PIAS4: variants seen among roughly 807,000 people sequenced by gnomAD.
PIAS4 encodes protein inhibitor of activated STAT 4, also known as E3 SUMO-protein ligase PIAS4.
A neutral mutation model predicts 58.0 loss-of-function variants in PIAS4; 7 were observed. The observed-to-expected ratio is 0.12, with a 90% CI of 0.07 to 0.23. PIAS4 has a LOEUF of 0.23. PIAS4 is among the 10% of genes least tolerant of loss of function. The pLI is 1.00. For missense variants in PIAS4, 550 were observed against 709.5 expected (o/e 0.78, Z 2.55); for synonymous variants, 364 against 312.4 (o/e 1.17, Z -1.74).
Position 4,028,844 on chromosome 19 carries a change from G to A in PIAS4, c.797G>A (p.Gly266Asp), listed in dbSNP as rs2040194974. 6.2e-7 allele frequency: 1 copy of A among 1,613,380 alleles called. No homozygotes were observed. The highest frequency in any genetic ancestry group is 8.5e-7 in the Non-Finnish European group (1 of 1,179,922). Residue 266 changes from glycine to aspartate, a missense_variant, in exon 6 of 11, where the codon GGC (glycine) becomes GAC (aspartate). Transcript: ENST00000262971. Reference sequence around the variant, plus strand: ...ATCACTGTCACCTGGGGGAACTACGGCAAGGTGAGTGCGTGCCCGGGTGCC... The same window carrying A: ...ATCACTGTCACCTGGGGGAACTACGACAAGGTGAGTGCGTGCCCGGGTGCC... Reference protein sequence around the residue: ...NRITVTWGNYGKSYSVALYLV... With the variant: ...NRITVTWGNYDKSYSVALYLV...
In PIAS4 at chr19:4,037,226, T is replaced by C; in HGVS notation, c.1143-148T>C. 1 of 1,014,966 alleles carries C rather than the reference T, an allele frequency of 9.9e-7. No homozygotes were observed. 62.9% of individuals were successfully genotyped at this position (1,014,966 alleles called of 1,614,324 possible). On this transcript the variant is annotated intron_variant, in intron 9 of 10. Transcript: ENST00000262971. The surrounding 1 kb of genome is among the most constrained non-coding windows in gnomAD (Gnocchi z 5.8). Reference sequence around the variant, plus strand: ...TGAGGGCGGGGGAGGGAATGCGGGGTCCCTGGACCCCTGCGGTCGGGGTGG... The same window carrying C: ...TGAGGGCGGGGGAGGGAATGCGGGGCCCCTGGACCCCTGCGGTCGGGGTGG...
At chr19:4,018,400 C>T (rs912260218) in intron 2 of PIAS4, 2 of 152,242 alleles carry the variant, frequency 1.3e-5, no homozygotes, top group African/African-American at 4.8e-5. Context: ...TCGTGAGGCT[C>T]CCTGGCAGCC....
intron 3 of PIAS4, among the ~76,000 whole-genome samples, chr19:4,026,235 C>T (rs925315403): frequency 6.9e-6 from 1 of 144,530 alleles, no homozygotes; most frequent in Non-Finnish European, 1.5e-5. Context: ...CAGGTTCAAG[C>T]GATTCTCCTG....
At chr19:4,026,459 T>G (rs1256466866) in intron 3 of PIAS4, among the ~76,000 whole-genome samples, 1 of 151,610 alleles carries the variant, frequency 6.6e-6, no homozygotes, top group Admixed American at 6.6e-5. Context: ...TGTCGAGATA[T>G]GATTTGCATA....
rs565105370 is a variant in PIAS4, at chr19:4,037,072, C to T, written c.1143-302C>T. Among the ~76,000 whole-genome samples the T allele has an allele frequency of 1.3e-5, 2 of 151,836 alleles. No homozygotes were observed. The highest frequency in any genetic ancestry group is 6.7e-5 in the Admixed American group (1 of 14,988). ...GCCCAGAGGGGCAGGGTGGGGAGGACCCCTGCAGCTGCCACACTCCCTGCT... is the reference window on the plus strand; with the variant it reads ...GCCCAGAGGGGCAGGGTGGGGAGGATCCCTGCAGCTGCCACACTCCCTGCT... On this transcript the variant is annotated intron_variant, in intron 9 of 10. Coordinates refer to ENST00000262971, the MANE Select transcript of PIAS4 (RefSeq NM_015897.4). This position sits in a 1 kb window ranked among gnomAD's most constrained non-coding sequence, Gnocchi z 5.8.
intron 7 of PIAS4, among the ~76,000 whole-genome samples, chr19:4,030,345 C>T (rs147636196): frequency 0.029 from 4,086 of 142,876 alleles, 180 homozygotes; most frequent in African/African-American, 0.094. Flanking sequence ...GCCGGCAAGG[C>T]GCAGTGGCTC....
intron 2 of PIAS4, among the ~76,000 whole-genome samples, chr19:4,020,607 A>G (rs2040099879): frequency 6.6e-6 from 1 of 152,186 alleles, no homozygotes; most frequent in Admixed American, 6.5e-5. Context: ...CACGCTGCTC[A>G]GCGTTTTTGC....
At chr19:4,008,067 G>A (rs1208153450) in intron 1 of PIAS4, among the ~76,000 whole-genome samples, 1 of 151,660 alleles carries the variant, frequency 6.6e-6, no homozygotes, top group Admixed American at 6.6e-5. Context: ...TTAGGGTCCC[G>A]GTCCCTGAGC....
At chr19:4,035,762 ACACC>A (rs1241940699) in intron 9 of PIAS4, among the ~76,000 whole-genome samples, 4 of 104,442 alleles carry the variant, frequency 3.8e-5, no homozygotes, top group East Asian at 5.1e-4. Context: ...TCACACACAC[ACACC>A]CACACACATC....
intron 2 of PIAS4, among the ~76,000 whole-genome samples, chr19:4,014,202 T>C (rs1212255531): frequency 6.6e-6 from 1 of 152,136 alleles, no homozygotes; most frequent in Non-Finnish European, 1.5e-5. Context: ...GGCTCCACGC[T>C]TCTCTCTCTC....
At chr19:4,010,265 A>C (rs955074776) in intron 1 of PIAS4, among the ~76,000 whole-genome samples, 17 of 152,254 alleles carry the variant, frequency 1.1e-4, no homozygotes, top group Middle Eastern at 3.4e-3. Context: ...AGTCGTGAAC[A>C]TATGGCCACC....
Position 4,037,488 on chromosome 19 carries a change from C to T in PIAS4, c.1257C>T (p.Gly419=), listed in dbSNP as rs201971039. The T allele has an allele frequency of 2.5e-5, 41 of 1,610,702 alleles. No homozygotes were observed. The highest frequency in any genetic ancestry group is 3.4e-5 in the Non-Finnish European group (40 of 1,179,488). ...AEKERSCSPQ[G]AILVLGPSDA... is the part of the protein sequence containing the mutation. ...AGGAGCGCAGCTGCAGCCCGCAGGG[C>T]GCCATCCTCGTGCTGGGTGAGTGCC... Residue 419 remains glycine, a synonymous_variant, in exon 10 of 11, where the codon GGC becomes GGT. Coordinates refer to ENST00000262971, the MANE Select transcript of PIAS4 (RefSeq NM_015897.4). This position sits in a 1 kb window ranked among gnomAD's most constrained non-coding sequence, Gnocchi z 5.8.
At position 4,037,305 on chromosome 19, in the gene PIAS4, A is replaced by ATG; in HGVS notation, c.1143-68_1143-67dup. On this transcript the variant is annotated intron_variant, in intron 9 of 10. Coordinates refer to ENST00000262971, the MANE Select transcript of PIAS4 (RefSeq NM_015897.4). The surrounding 1 kb of genome is among the most constrained non-coding windows in gnomAD (Gnocchi z 5.8). ...GAGTGCCTGGCTGCATCCGGGAGGGATGGAGGGCTGGGGAGTTGGGGGGGT... is the reference window on the plus strand; with the variant it reads ...GAGTGCCTGGCTGCATCCGGGAGGGATGTGGAGGGCTGGGGAGTTGGGGGGGT... 7.3e-7 allele frequency: 1 copy of ATG among 1,368,364 alleles called. No homozygotes were observed. Among genetic ancestry groups the ATG allele is most frequent in the South Asian group, 1.3e-5 (1 of 79,098 alleles). 84.8% of individuals were successfully genotyped at this position (1,368,364 alleles called of 1,614,324 possible).
chr19:4,023,132 A>G (rs919858276), intron 2 of PIAS4, among the ~76,000 whole-genome samples: 3 of 146,700 alleles, frequency 2.0e-5, no homozygotes, highest in Non-Finnish European at 4.5e-5. Flanking sequence ...AGATTGTGCT[A>G]TTGCAGTCCA....
At position 4,010,167 on chromosome 19, in the gene PIAS4, G is replaced by C. The variant is rs536650164; in HGVS notation, c.27+2380G>C. ...GGCAGGAAGTGATCTTGGGGCATTT[G>C]GGGCTTCTTCCTGAATGCTTGTCCC... On this transcript the variant is annotated intron_variant, in intron 1 of 10. Coordinates refer to ENST00000262971, the MANE Select transcript of PIAS4 (RefSeq NM_015897.4). 1.8e-3 allele frequency among the ~76,000 whole-genome samples: 276 copies of C among 152,316 alleles called. 2 individuals are homozygous for C. Among genetic ancestry groups the C allele is most frequent in the Middle Eastern group, 3.4e-3 (1 of 294 alleles).
intron 3 of PIAS4, among the ~76,000 whole-genome samples, chr19:4,025,358 C>T (rs943606432): frequency 2.0e-5 from 3 of 152,238 alleles, no homozygotes; most frequent in African/African-American, 7.2e-5. Context: ...CTCCCTCAGT[C>T]TCTCCGAGGC....
At chr19:4,009,173 G>T (rs2039970073) in intron 1 of PIAS4, among the ~76,000 whole-genome samples, 1 of 151,870 alleles carries the variant, frequency 6.6e-6, no homozygotes, top group East Asian at 1.9e-4. Context: ...CCCTCCCCAC[G>T]GTCCTGACCT....
chr19:4,016,198 C>T (rs972129025), intron 2 of PIAS4, among the ~76,000 whole-genome samples: 1 of 152,242 alleles, frequency 6.6e-6, no homozygotes, highest in African/African-American at 2.4e-5. Context: ...GGAGCCTGAC[C>T]CTCCTGTCAG....
intron 4 of PIAS4, 141 bp from the exon 5 acceptor site, chr19:4,028,369 C>T (rs2040188823): frequency 2.5e-6 from 2 of 797,140 alleles, no homozygotes; most frequent in South Asian, 3.3e-5. Flanking sequence ...TCAGGCCACA[C>T]CCGGGGGCCC....
Sources: gnomAD v4.1 joint callset for allele counts (sites outside exome capture counted in the v4.1 genomes callset) on GRCh38, gnomAD v4.1.1 for gene constraint, Gnocchi (gnomAD v3.1) non-coding constraint, MANE v1.5 for transcripts, NCBI Gene and HGNC (gene_info 2026-07-23, HGNC 2026-07-21) for gene names.